Variants in KCNB2 observed in about 807,000 individuals in gnomAD.
KCNB2 encodes the protein delayed rectifier potassium channel protein.
KCNB2 carries 15 observed loss-of-function variants against 61.5 expected under a neutral mutation model. The observed-to-expected ratio is 0.24, with a 90% CI of 0.16 to 0.38. The LOEUF (loss-of-function observed/expected upper bound fraction) is 0.38. Among genes scored for constraint, KCNB2 ranks in the 10% least tolerant of loss-of-function variants. KCNB2 has a pLI of 1.00. For missense variants in KCNB2, 828 were observed against 1,125.2 expected, an observed-to-expected ratio of 0.74 and a Z score of 3.78; for synonymous variants, 457 against 446.0, an observed-to-expected ratio of 1.02 and a Z score of -0.31.
At chr8:72,695,050 A>G (rs926536880) in intron 2 of KCNB2, among the ~76,000 whole-genome samples, 6 of 152,108 alleles carry the variant, frequency 3.9e-5, no homozygotes, top group Admixed American at 2.0e-4. Context: ...TCATCATTAT[A>G]TGCCTGTATT....
rs528008261 is a variant in KCNB2, at chr8:72,567,804, C to T, written c.70C>T (p.Pro24Ser). The T allele has an allele frequency of 1.2e-5, 19 of 1,612,840 alleles. No homozygotes were observed. The East Asian group carries it at 4.0e-4, about 34-fold the overall frequency. ...SRSTLSLPPEPVDIIRSKTCS... is the reference protein window; with the variant it reads ...SRSTLSLPPESVDIIRSKTCS... Reference sequence around the variant, plus strand: ...GTCGACACTTTCCCTTCCTCCAGAGCCTGTGGACATTATCCGGAGCAAAAC... The same window carrying T: ...GTCGACACTTTCCCTTCCTCCAGAGTCTGTGGACATTATCCGGAGCAAAAC... The change falls in exon 2 of 3, where the codon CCT becomes TCT. Residue 24 changes from proline to serine, a missense_variant. Transcript: ENST00000523207.
intron 2 of KCNB2, 48 bp downstream of exon 2, chr8:72,568,361 C>A: frequency 1.4e-6 from 2 of 1,465,928 alleles, no homozygotes; most frequent in Non-Finnish European, 9.3e-7. Context: ...AGAAAAGATG[C>A]TACCTACGTT....
chr8:72,644,388 A>G (rs1806098479), intron 2 of KCNB2, among the ~76,000 whole-genome samples: 1 of 152,136 alleles, frequency 6.6e-6, no homozygotes, highest in Non-Finnish European at 1.5e-5. Context: ...AGTCCTGACA[A>G]TGCAGGCTGG....
intron 2 of KCNB2, among the ~76,000 whole-genome samples, chr8:72,676,997 T>C (rs1445128679): frequency 6.6e-6 from 1 of 152,202 alleles, no homozygotes; most frequent in Non-Finnish European, 1.5e-5. Context: ...TTTGAAAATA[T>C]GGTGTTGCAG....
chr8:72,819,379 C>T (rs141728131), intron 2 of KCNB2, among the ~76,000 whole-genome samples: 55 of 152,236 alleles, frequency 3.6e-4, no homozygotes, highest in African/African-American at 1.2e-3. Context: ...TAGAAATATT[C>T]AGCCAATCCC....
intron 2 of KCNB2, among the ~76,000 whole-genome samples, chr8:72,647,537 G>A (rs1806148283): frequency 6.6e-6 from 1 of 152,052 alleles, no homozygotes. Flanking sequence ...TGAGAGCTCA[G>A]TACTATCAAA....
At chr8:72,801,988 A>G (rs1452779807) in intron 2 of KCNB2, among the ~76,000 whole-genome samples, 2 of 152,214 alleles carry the variant, frequency 1.3e-5, no homozygotes, top group Admixed American at 6.5e-5. Flanking sequence ...TGATTTCCTT[A>G]TCAAACCTCT....
intron 2 of KCNB2, among the ~76,000 whole-genome samples, chr8:72,891,021 T>A (rs1042549837): frequency 6.6e-6 from 1 of 152,190 alleles, no homozygotes; most frequent in African/African-American, 2.4e-5. Flanking sequence ...TAAAGTTACA[T>A]AAGCGAAGAC....
At chr8:72,881,730 A>G (rs934037481) in intron 2 of KCNB2, 1 of 152,230 alleles carries the variant, frequency 6.6e-6, no homozygotes, top group Non-Finnish European at 1.5e-5. Flanking sequence ...GAGAGGGAAG[A>G]AGAGAAAAAA....
At chr8:72,869,439 G>T (rs1327488126) in intron 2 of KCNB2, among the ~76,000 whole-genome samples, 1 of 152,044 alleles carries the variant, frequency 6.6e-6, no homozygotes, top group African/African-American at 2.4e-5. Context: ...TATTTGCAAG[G>T]CATATACCTG....
intron 2 of KCNB2, among the ~76,000 whole-genome samples, chr8:72,934,484 A>G (rs184004025): frequency 5.2e-4 from 79 of 152,054 alleles, no homozygotes; most frequent in African/African-American, 1.7e-3. Context: ...AAATTTAGAG[A>G]GATTAAAAAG....
At chr8:72,648,786 A>T (rs759383925) in intron 2 of KCNB2, among the ~76,000 whole-genome samples, 1 of 152,126 alleles carries the variant, frequency 6.6e-6, no homozygotes, top group Non-Finnish European at 1.5e-5. Flanking sequence ...AAGAAATTAT[A>T]ATTCAGAAAT....
intron 2 of KCNB2, among the ~76,000 whole-genome samples, chr8:72,930,642 T>C (rs1193659275): frequency 1.3e-5 from 2 of 152,098 alleles, no homozygotes; most frequent in Non-Finnish European, 1.5e-5. Flanking sequence ...GTTGATGGGG[T>C]TGTTTGTTTT....
intron 1 of KCNB2, among the ~76,000 whole-genome samples, chr8:72,544,806 CA>C (rs1354429762): frequency 6.6e-6 from 1 of 152,100 alleles, no homozygotes; most frequent in Non-Finnish European, 1.5e-5. Flanking sequence ...TTTGGGGACC[CA>C]AATCTTGCTC....
chr8:72,538,976 A>G (rs902991960), intron 1 of KCNB2, among the ~76,000 whole-genome samples: 2 of 152,222 alleles, frequency 1.3e-5, no homozygotes, highest in African/African-American at 4.8e-5. Context: ...TCAGTGCTGA[A>G]TAACTTACAG....
At chr8:72,671,237 G>A (rs1806559721) in intron 2 of KCNB2, among the ~76,000 whole-genome samples, 1 of 152,108 alleles carries the variant, frequency 6.6e-6, no homozygotes, top group South Asian at 2.1e-4. Flanking sequence ...TTCCATATTT[G>A]TTGGATAAAT....
intron 1 of KCNB2, among the ~76,000 whole-genome samples, chr8:72,545,133 C>T (rs916317376): frequency 6.6e-6 from 1 of 152,192 alleles, no homozygotes; most frequent in African/African-American, 2.4e-5. Flanking sequence ...CTCACCTAGT[C>T]ACTGTATCCA....
intron 2 of KCNB2, among the ~76,000 whole-genome samples, chr8:72,590,738 A>G (rs1807084141): frequency 6.6e-6 from 1 of 152,198 alleles, no homozygotes; most frequent in African/African-American, 2.4e-5. Flanking sequence ...AGATGAATGC[A>G]TTCTATTGAG....
At chr8:72,609,796 C>T (rs1156577511) in intron 2 of KCNB2, among the ~76,000 whole-genome samples, 1 of 152,110 alleles carries the variant, frequency 6.6e-6, no homozygotes, top group Non-Finnish European at 1.5e-5. Flanking sequence ...CTTATGTAAA[C>T]CATTTTTCAT....
Sources: gnomAD v4.1 joint callset for allele counts (sites outside exome capture counted in the v4.1 genomes callset) on GRCh38, gnomAD v4.1.1 for gene constraint, MANE v1.5 for transcripts, NCBI Gene and HGNC (gene_info 2026-07-23, HGNC 2026-07-21) for gene names.